The following RPRD2 variants were observed in gnomAD, a reference collection of about 807,000 sequenced individuals.
RPRD2 encodes regulation of nuclear pre-mRNA domain containing 2, also known as regulation of nuclear pre-mRNA domain-containing protein 2.
A neutral mutation model predicts 104.4 loss-of-function variants in RPRD2; 12 were observed. The observed-to-expected ratio is 0.11, with a 90% CI of 0.07 to 0.19. The LOEUF is 0.19. Ranked by LOEUF, RPRD2 falls within the 10% of genes least tolerant of loss-of-function variation. The pLI is 1.00. For missense variants in RPRD2, 1,543 were observed against 1,790.1 expected (o/e 0.86, Z 2.49); for synonymous variants, 714 against 684.9 (o/e 1.04, Z -0.66).
chr1:150,364,707 C>G lies in RPRD2; in HGVS notation c.-8C>G, dbSNP rs782454772. 2.1e-5 allele frequency: 32 copies of G among 1,548,150 alleles called. No individual in the cohort carries two copies. Among genetic ancestry groups the G allele is most frequent in the Non-Finnish European group, 2.5e-5 (29 of 1,141,894 alleles). ...AGAGGAGCAGCAGCGCTTGTGCAAA[C>G]CGGGAAGATGGCGGCCGGCGGCGGC... On this transcript the variant is annotated 5_prime_UTR_variant, in exon 1 of 11. Coordinates refer to ENST00000369068, the MANE Select transcript of RPRD2 (RefSeq NM_015203.5).
At chr1:150,380,812 G>A (rs930047249) in intron 1 of RPRD2, among the ~76,000 whole-genome samples, 5 of 151,988 alleles carry the variant, frequency 3.3e-5, no homozygotes, top group South Asian at 2.1e-4. Context: ...TCGCTACCAC[G>A]TCCAGCTAAC....
At chr1:150,399,195 G>A (rs1001854526) in intron 1 of RPRD2, among the ~76,000 whole-genome samples, 27 of 151,876 alleles carry the variant, frequency 1.8e-4, no homozygotes, top group Non-Finnish European at 3.5e-4. Context: ...TATAGAGAAA[G>A]GTCTTCCTAT....
chr1:150,387,567 C>CTTTTTTTTTTTTTTTTTTTTTTTTTTTT (rs562476167), intron 1 of RPRD2, among the ~76,000 whole-genome samples: 3 of 73,742 alleles, frequency 4.1e-5, no homozygotes, highest in Non-Finnish European at 7.4e-5. Context: ...TGCAACAGAC[C>CTTTTTTTTTTTTTTTTTTTTTTTTTTTT]TTTTTTTTTT....
chr1:150,383,564 G>C (rs1553881231), intron 1 of RPRD2, among the ~76,000 whole-genome samples: 2 of 151,964 alleles, frequency 1.3e-5, no homozygotes, highest in African/African-American at 4.8e-5. Context: ...TGATCCACCT[G>C]CCTCGGCCTC....
At chr1:150,461,246 T>C (rs1213097553) in intron 9 of RPRD2, among the ~76,000 whole-genome samples, 16 of 151,456 alleles carry the variant, frequency 1.1e-4, no homozygotes, top group Admixed American at 1.1e-3. Flanking sequence ...AAATTTTAAA[T>C]GAAAAAAATT....
chr1:150,433,237 A>C (rs1291437653), intron 2 of RPRD2, among the ~76,000 whole-genome samples: 1 of 151,944 alleles, frequency 6.6e-6, no homozygotes, highest in Non-Finnish European at 1.5e-5. Flanking sequence ...GTTGTGAAAA[A>C]TATTTTTATA....
At chr1:150,452,192 G>T (rs1162719827) in intron 7 of RPRD2, among the ~76,000 whole-genome samples, 1 of 147,624 alleles carries the variant, frequency 6.8e-6, no homozygotes, top group South Asian at 2.2e-4. Flanking sequence ...CTGGACAAAA[G>T]CACAGGGAGA....
chr1:150,406,080 A>G (rs142276152), intron 1 of RPRD2, among the ~76,000 whole-genome samples: 27 of 152,312 alleles, frequency 1.8e-4, no homozygotes, highest in African/African-American at 4.8e-4. Flanking sequence ...TGAATCTCCT[A>G]TCTGTGAAAT....
Position 150,364,722 on chromosome 1 carries a change from C to A in RPRD2, c.8C>A (p.Ala3Asp). The A allele has an allele frequency of 6.4e-7, 1 of 1,565,956 alleles. No homozygotes were observed. The highest frequency in any genetic ancestry group is 1.2e-5 in the South Asian group (1 of 86,928). The change falls in exon 1 of 11, where the codon GCC becomes GAC. Residue 3 changes from alanine to aspartate, a missense_variant. Physicochemically the swap from Ala to Asp is moderately radical, Grantham distance 126. Around this residue, in one of 4 missense-constraint regions of RPRD2, gnomAD observed 88 missense variants for 96.6 expected, o/e 0.91. Coordinates refer to ENST00000369068, the MANE Select transcript of RPRD2 (RefSeq NM_015203.5). ...CTTGTGCAAACCGGGAAGATGGCGGCCGGCGGCGGCGGAGGCAGCAGTAAG... is the reference window on the plus strand; with the variant it reads ...CTTGTGCAAACCGGGAAGATGGCGGACGGCGGCGGCGGAGGCAGCAGTAAG... Reference protein sequence around the residue: MAAGGGGGSSKAS... With the variant: MADGGGGGSSKAS...
At chr1:150,369,441 ATTTTTTTTTTTTTT>A (rs58054758) in intron 1 of RPRD2, among the ~76,000 whole-genome samples, 174 of 57,532 alleles carry the variant, frequency 3.0e-3, no homozygotes, top group African/African-American at 9.8e-3. Context: ...CACCTGGCTA[ATTTTTTTTTTTTTT>A]TTTTTTTTTT....
intron 2 of RPRD2, among the ~76,000 whole-genome samples, chr1:150,437,782 G>T (rs111400442): frequency 6.6e-6 from 1 of 151,564 alleles, no homozygotes; most frequent in Non-Finnish European, 1.5e-5. Context: ...GTTTCGCCAC[G>T]TTGCCCAGGC....
intron 10 of RPRD2, among the ~76,000 whole-genome samples, chr1:150,466,951 T>G (rs1210948274): frequency 9.2e-5 from 14 of 152,196 alleles, no homozygotes; most frequent in African/African-American, 3.4e-4. Context: ...TTTGGAGACC[T>G]TTTTAGTTGT....
intron 7 of RPRD2, among the ~76,000 whole-genome samples, chr1:150,447,655 C>G (rs1185687435): frequency 6.6e-6 from 1 of 151,982 alleles, no homozygotes; most frequent in Non-Finnish European, 1.5e-5. Context: ...TTTTATTCCC[C>G]CAAGAAAGGG....
rs754435627 is a variant in RPRD2, at chr1:150,472,087, C to G, written c.3139C>G (p.Pro1047Ala). ...DGVSLSNLTQ[P>A]SLTATDQQQQ... ...TGTCAGTCTCTCAAACCTCACCCAA[C>G]CCAGCTTGACCGCCACTGATCAGCA... Residue 1047 changes from proline to alanine, a missense_variant, in exon 11 of 11, where the codon CCC becomes GCC. Physicochemically the swap from Pro to Ala is conservative, Grantham distance 27. Coordinates refer to ENST00000369068, the MANE Select transcript of RPRD2 (RefSeq NM_015203.5). 3 of 1,613,846 alleles carry G rather than the reference C, an allele frequency of 1.9e-6. No homozygotes were observed. The South Asian group carries it at 3.3e-5, about 18-fold the overall frequency.
Position 150,452,586 on chromosome 1 carries a change from AT to A in RPRD2, c.871-4701del, listed in dbSNP as rs1394548658. Among the ~76,000 whole-genome samples the A allele has an allele frequency of 2.6e-5, 4 of 150,956 alleles. No individual in the cohort carries two copies. In the East Asian group the frequency reaches 7.7e-4, roughly 29 times the overall value. ...TCACTGTTTTAATTCATTACTACTA[AT>A]ATTTACTTTGATGCTCAGTTTGACA... On this transcript the variant is annotated intron_variant, in intron 7 of 10. Transcript: ENST00000369068.
At chr1:150,408,654 T>G (rs1553887095) in intron 1 of RPRD2, among the ~76,000 whole-genome samples, 1 of 152,226 alleles carries the variant, frequency 6.6e-6, no homozygotes, top group Non-Finnish European at 1.5e-5. Flanking sequence ...CATTTTTCTT[T>G]CCTGTGTTTT....
rs71086508 is a variant in RPRD2 at position 150,411,788 on chromosome 1, CAAAAAAAAAAAA to C, written c.206-5791_206-5780del. 1.8e-4 allele frequency among the ~76,000 whole-genome samples: 13 copies of C among 70,726 alleles called. 1 individual carries two copies. The highest frequency in any genetic ancestry group is 8.2e-4 in the African/African-American group (9 of 10,996). The allele number at this position is 70,726 out of a possible 152,430, so 46.4% of individuals were successfully genotyped here. On this transcript the variant is annotated intron_variant, in intron 1 of 10. Transcript: ENST00000369068. ...CCTGGACGACAGAGCTAGACTGTCT[CAAAAAAAAAAAA>C]AAAAAAAAAAAAAAAACGAAACAAA...
At chr1:150,413,001 AAAAG>A (rs1484180338) in intron 1 of RPRD2, among the ~76,000 whole-genome samples, 1 of 141,334 alleles carries the variant, frequency 7.1e-6, no homozygotes, top group Non-Finnish European at 1.6e-5. Context: ...GAAGATAAAA[AAAAG>A]AAAAGAAAAA....
intron 2 of RPRD2, among the ~76,000 whole-genome samples, chr1:150,437,055 A>G (rs1266983617): frequency 1.1e-4 from 17 of 149,386 alleles, no homozygotes; most frequent in African/African-American, 4.4e-4. Context: ...TTAAAAAAAG[A>G]AAGAAAGACA....
Sources: gnomAD v4.1 joint callset for allele counts (sites outside exome capture counted in the v4.1 genomes callset) on GRCh38, gnomAD v4.1.1 for gene constraint, gnomAD v4.1.1 regional missense constraint, MANE v1.5 for transcripts, NCBI Gene and HGNC (gene_info 2026-07-23, HGNC 2026-07-21) for gene names.